Variants in ERBIN observed in about 807,000 individuals in gnomAD.
The protein encoded by ERBIN is densin-180-like protein.
ERBIN carries 60 observed loss-of-function variants against 158.4 expected under a neutral mutation model. That is an observed-to-expected ratio of 0.38 (90% CI 0.31 to 0.47). The LOEUF (loss-of-function observed/expected upper bound fraction) is 0.47, where lower values mean the gene tolerates loss of function less well. ERBIN is among the 20% of genes least tolerant of loss of function. The probability of loss-of-function intolerance (pLI) is 0.99; values close to 1 mark genes in which losing one functional copy is unlikely to be tolerated. For synonymous variants in ERBIN, 594 were observed against 557.2 expected, an observed-to-expected ratio of 1.07 and a Z score of -0.93; for missense variants, 1,610 against 1,648.0, an observed-to-expected ratio of 0.98 and a Z score of 0.40.
intron 2 of ERBIN, 46 bp from the exon 3 acceptor site, chr5:65,992,664 G>A (rs1407855805): frequency 1.1e-5 from 15 of 1,372,500 alleles, no homozygotes; most frequent in East Asian, 9.5e-5. Context: ...CTGAAAAACC[G>A]TTGTAATATG....
chr5:66,011,154 A>G (rs1054249145), intron 4 of ERBIN, among the ~76,000 whole-genome samples: 1 of 152,216 alleles, frequency 6.6e-6, no homozygotes, highest in African/African-American at 2.4e-5. Flanking sequence ...TATTTTTAGC[A>G]TGACATTGGG....
chr5:66,045,754 A>C (rs75121942), intron 17 of ERBIN, among the ~76,000 whole-genome samples: 1,531 of 152,358 alleles, frequency 0.01, 23 homozygotes, highest in African/African-American at 0.034. Flanking sequence ...CTTTAAAAAA[A>C]TCATTGTCTG....
At chr5:66,017,543 A>C (rs780999564) in intron 7 of ERBIN, among the ~76,000 whole-genome samples, 36 of 126,186 alleles carry the variant, frequency 2.9e-4, no homozygotes, top group Non-Finnish European at 5.0e-4. Flanking sequence ...TTTGCTATTG[A>C]TTTGTTGAAG....
intron 1 of ERBIN, among the ~76,000 whole-genome samples, chr5:65,958,304 C>G (rs1049002441): frequency 6.6e-6 from 1 of 152,054 alleles, no homozygotes; most frequent in Non-Finnish European, 1.5e-5. Context: ...GCCGAGATCA[C>G]GCCACTGCAC....
At chr5:65,995,029 C>T (rs1258126212) in intron 4 of ERBIN, among the ~76,000 whole-genome samples, 165 bp downstream of exon 4, 1 of 152,168 alleles carries the variant, frequency 6.6e-6, no homozygotes, top group Non-Finnish European at 1.5e-5. Flanking sequence ...CCCGACTTTA[C>T]AAGTTTTGCC....
intron 1 of ERBIN, among the ~76,000 whole-genome samples, chr5:65,938,828 G>T (rs1744411505): frequency 6.6e-6 from 1 of 152,052 alleles, no homozygotes; most frequent in Admixed American, 6.6e-5. Context: ...CGGGATTACA[G>T]CTGTGAGCCA....
At chr5:65,951,367 CATA>C (rs1013015600) in intron 1 of ERBIN, among the ~76,000 whole-genome samples, 7 of 152,070 alleles carry the variant, frequency 4.6e-5, no homozygotes, top group African/African-American at 1.7e-4. Flanking sequence ...GTATCTGGCA[CATA>C]ATAAGTGCTC....
At chr5:66,077,790 A>T (rs1446191807) in intron 25 of ERBIN, among the ~76,000 whole-genome samples, 37 of 129,352 alleles carry the variant, frequency 2.9e-4, no homozygotes, top group African/African-American at 1.2e-3. Flanking sequence ...ACACACACAC[A>T]CACATACACA....
chr5:66,004,794 G>A (rs1167104995), intron 4 of ERBIN, among the ~76,000 whole-genome samples: 1 of 152,164 alleles, frequency 6.6e-6, no homozygotes, highest in Non-Finnish European at 1.5e-5. Context: ...AAAACTTGAA[G>A]CCATGTGAAT....
At chr5:66,061,895 G>A (rs1216790812) in intron 21 of ERBIN, among the ~76,000 whole-genome samples, 1 of 152,210 alleles carries the variant, frequency 6.6e-6, no homozygotes, top group Non-Finnish European at 1.5e-5. Context: ...GGCTTGTAGA[G>A]TTTCTGCCAA....
At position 66,066,536 on chromosome 5, in the gene ERBIN, C is replaced by CA. The variant is rs537870029; in HGVS notation, c.3634-5625dup. On this transcript the variant is annotated intron_variant, in intron 21 of 25. Transcript: ENST00000284037. ...ACTGCCAAAAATAAAAAAAAAAAAA[C>CA]AAAAAAAACTGTACCTGGAATTCAA... 1.5e-3 allele frequency among the ~76,000 whole-genome samples: 217 copies of CA among 145,522 alleles called. 1 individual carries two copies. Among genetic ancestry groups the CA allele is most frequent in the African/African-American group, 5.1e-3 (203 of 40,046 alleles).
Position 66,023,484 on chromosome 5 carries a change from CAG to C in ERBIN, c.672+122_672+123del, listed in dbSNP as rs1755911351. 47 of 555,296 alleles carry C rather than the reference CAG, an allele frequency of 8.5e-5. No individual in the cohort carries two copies. In the South Asian group the frequency reaches 1.5e-3, roughly 18 times the overall value. The allele number at this position is 555,296 out of a possible 1,614,324, so 34.4% of individuals were successfully genotyped here. On this transcript the variant is annotated intron_variant, in intron 9 of 25. Coordinates refer to ENST00000284037, the MANE Select transcript of ERBIN (RefSeq NM_001253697.2). ...AAAAATTGAATTATTCTTTATTAAA[CAG>C]AAGCAAATTACTTTTTTTCATGAGC...
chr5:65,977,314 C>G (rs1413548230), intron 1 of ERBIN, among the ~76,000 whole-genome samples: 1,091 of 126,692 alleles, frequency 8.6e-3, no homozygotes, highest in African/African-American at 0.019. Flanking sequence ...CCACCTCCCT[C>G]CCGGACGAGG....
chr5:66,046,924 A>G (rs1758501279), intron 18 of ERBIN, among the ~76,000 whole-genome samples: 1 of 151,868 alleles, frequency 6.6e-6, no homozygotes, highest in Non-Finnish European at 1.5e-5. Flanking sequence ...AGTTTCTTCT[A>G]GTGGATAAAT....
At chr5:66,020,782 A>G (rs1340995212) in intron 7 of ERBIN, among the ~76,000 whole-genome samples, 4 of 152,110 alleles carry the variant, frequency 2.6e-5, no homozygotes, top group African/African-American at 4.8e-5. Flanking sequence ...ATAAATGTCA[A>G]CTACTAATTT....
intron 21 of ERBIN, among the ~76,000 whole-genome samples, chr5:66,065,935 C>A (rs1292019774): frequency 6.6e-6 from 1 of 152,020 alleles, no homozygotes; most frequent in Non-Finnish European, 1.5e-5. Flanking sequence ...GATTCTACCA[C>A]CAGCCTCCTA....
chr5:66,071,122 G>A (rs887129945), intron 21 of ERBIN, among the ~76,000 whole-genome samples: 1 of 152,124 alleles, frequency 6.6e-6, no homozygotes, highest in Non-Finnish European at 1.5e-5. Context: ...GGGAGGCCGA[G>A]GCAGGAGGAT....
chr5:65,955,157 T>A (rs938151903), intron 1 of ERBIN, among the ~76,000 whole-genome samples: 1 of 152,162 alleles, frequency 6.6e-6, no homozygotes, highest in Non-Finnish European at 1.5e-5. Context: ...ATGGTTCGGA[T>A]TTTTAAAAAA....
At chr5:65,935,093 C>T (rs2150851516) in intron 1 of ERBIN, among the ~76,000 whole-genome samples, 1 of 152,142 alleles carries the variant, frequency 6.6e-6, no homozygotes, top group East Asian at 1.9e-4. Flanking sequence ...ATATACAAAG[C>T]TAGGAAATAT....
Sources: allele counts gnomAD v4.1 joint callset (sites outside exome capture counted in the v4.1 genomes callset), GRCh38; gene constraint gnomAD v4.1.1; transcripts MANE v1.5; gene names NCBI Gene and HGNC (gene_info 2026-07-23, HGNC 2026-07-21).